Variants in ALG8 observed in about 807,000 individuals in gnomAD.
The protein encoded by ALG8 is dolichyl pyrophosphate Glc1Man9GlcNAc2 alpha-1,3-glucosyltransferase.
In ALG8, 48 loss-of-function variants were observed where a neutral mutation model predicts 70.2. That is an observed-to-expected ratio of 0.68 (90% CI 0.54 to 0.87). The LOEUF is 0.87. Among genes scored for constraint, ALG8 ranks in the 40% least tolerant of loss-of-function variants. ALG8 has a pLI of 0.00. For synonymous variants in ALG8, 234 were observed against 229.0 expected, an observed-to-expected ratio of 1.02 and a Z score of -0.20; for missense variants, 572 against 608.7, an observed-to-expected ratio of 0.94 and a Z score of 0.64.
At chr11:78,113,628 G>A (rs1346372034) in intron 7 of ALG8, among the ~76,000 whole-genome samples, 5 of 151,040 alleles carry the variant, frequency 3.3e-5, no homozygotes, top group Non-Finnish European at 4.4e-5. Context: ...CAGGAGAATC[G>A]CTTGAATCCA....
intron 10 of ALG8, among the ~76,000 whole-genome samples, chr11:78,105,837 T>C (rs926661546): frequency 2.6e-5 from 4 of 151,950 alleles, no homozygotes; most frequent in African/African-American, 7.2e-5. Context: ...GCCTCCCAAG[T>C]AGCTGGGATT....
intron 10 of ALG8, among the ~76,000 whole-genome samples, chr11:78,105,971 GTAC>G (rs1860011190): frequency 6.6e-6 from 1 of 152,052 alleles, no homozygotes; most frequent in Non-Finnish European, 1.5e-5. Context: ...GCCTCCGAAA[GTAC>G]TGGGATTGCA....
chr11:78,138,740 C>G (rs773283517), intron 1 of ALG8: 5 of 456,222 alleles, frequency 1.1e-5, no homozygotes, highest in East Asian at 1.4e-4. Flanking sequence ...ATGGTTGCTT[C>G]TTGGTTTCCA....
At chr11:78,113,858 A>G in intron 7 of ALG8, 28 bp downstream of exon 7, 1 of 1,393,962 alleles carries the variant, frequency 7.2e-7, no homozygotes, top group Non-Finnish European at 9.8e-7. Flanking sequence ...ACATGTATTA[A>G]TTGAAAAAAA....
Position 78,113,886 on chromosome 11 carries a change from C to G in ALG8, c.777G>C (p.Leu259Phe). Residue 259 changes from leucine (L) to phenylalanine (F), a missense_variant and splice_region_variant, in exon 7 of 13, where the codon TTG becomes TTC. By Grantham distance (22) the Leu-to-Phe change is conservative (BLOSUM62 0). Transcript: ENST00000299626. ...GAAAAAAAAAAAAAAAAAGGCTTAC[C>G]AAGGCCAGGAAAGGACCCAATGAAA... ...SALSLGPFLA[L>F]NQLPQVFSRL... 6.7e-7 allele frequency: 1 copy of G among 1,502,666 alleles called. No homozygotes were observed. The highest frequency in any genetic ancestry group is 1.6e-5 in the African/African-American group (1 of 62,790). 93.1% of individuals were successfully genotyped at this position (1,502,666 alleles called of 1,614,324 possible).
At chr11:78,102,351 A>G (rs927807869) in intron 12 of ALG8, among the ~76,000 whole-genome samples, 11 of 152,166 alleles carry the variant, frequency 7.2e-5, no homozygotes, top group Non-Finnish European at 1.3e-4. Flanking sequence ...TTCACTTAGC[A>G]TGTTTTCAAG....
intron 3 of ALG8, among the ~76,000 whole-genome samples, chr11:78,123,315 G>GAAAAAAAAAAAAAAAAAAA (rs1220218900): frequency 2.5e-4 from 22 of 88,494 alleles, no homozygotes; most frequent in South Asian, 1.5e-3. Context: ...GGAAAAAAAA[G>GAAAAAAAAAAAAAAAAAAA]AAAAAAAAAA....
rs11600617 is a variant in ALG8 at position 78,119,429 on chromosome 11, T to G, written c.479-180A>C. Among the ~76,000 whole-genome samples, 4 of 85,300 alleles carry G rather than the reference T, an allele frequency of 4.7e-5. No homozygotes were observed. In the East Asian group the frequency reaches 1.6e-3, roughly 35 times the overall value. 56.0% of individuals were successfully genotyped at this position (85,300 alleles called of 152,430 possible). On this transcript the variant is annotated intron_variant, in intron 4 of 12. Transcript: ENST00000299626. The stretch of plus-strand genomic sequence containing the variant: ...AAACAGATTCAAATTTTTTTTTTAA[T>G]TTTTTTTTTTTTTTTTTGAGATGGA...
At chr11:78,121,502 T>C (rs528240233) in intron 3 of ALG8, among the ~76,000 whole-genome samples, 1 of 1,108 alleles carries the variant, frequency 9.0e-4, no homozygotes, top group East Asian at 0.045. Flanking sequence ...AGAGGACCAC[T>C]TGAGCTTGGG....
intron 5 of ALG8, 38 bp downstream of exon 5, chr11:78,119,144 C>G (rs1256254420): frequency 5.9e-6 from 9 of 1,519,118 alleles, no homozygotes; most frequent in Non-Finnish European, 8.2e-6. Context: ...AAAAACTAAT[C>G]TAAAAGGGAA....
At chr11:78,111,034 T>G (rs1203193128) in intron 8 of ALG8, among the ~76,000 whole-genome samples, 2 of 152,216 alleles carry the variant, frequency 1.3e-5, no homozygotes, top group Admixed American at 6.5e-5. Flanking sequence ...TAGGAATTAC[T>G]CTGTAAGAAT....
intron 4 of ALG8, 64 bp downstream of exon 4, chr11:78,121,001 A>G: frequency 7.2e-7 from 1 of 1,398,284 alleles, no homozygotes; most frequent in East Asian, 2.3e-5. Flanking sequence ...TATAGAAAAC[A>G]TTAATCTTGT....
chr11:78,112,619 G>C (rs1860343470), intron 8 of ALG8, 31 bp downstream of exon 8: 1 of 1,611,870 alleles, frequency 6.2e-7, no homozygotes, highest in South Asian at 1.1e-5. Context: ...TCAATATTCA[G>C]AGTCTGAGTA....
chr11:78,126,447 G>A (rs935525818), intron 2 of ALG8, among the ~76,000 whole-genome samples: 24 of 149,966 alleles, frequency 1.6e-4, no homozygotes, highest in Admixed American at 4.7e-4. Flanking sequence ...CAGGAGAATC[G>A]CTTGAACCCG....
chr11:78,121,986 G>T (rs1237097543), intron 3 of ALG8, among the ~76,000 whole-genome samples: 1 of 152,202 alleles, frequency 6.6e-6, no homozygotes, highest in Non-Finnish European at 1.5e-5. Flanking sequence ...AAAAGAGACT[G>T]AACTAACATA....
Position 78,106,323 on chromosome 11 carries a change from G to A in ALG8, c.1178+484C>T, listed in dbSNP as rs73501223. Among the ~76,000 whole-genome samples, 1,502 of 151,942 alleles carry A rather than the reference G, an allele frequency of 9.9e-3. 16 individuals are homozygous for A. Among genetic ancestry groups the A allele is most frequent in the African/African-American group, 0.035 (1,436 of 41,450 alleles). ...AGCAATTCTCCTGCCTCAGCCTCCC[G>A]AGTAGCTGGGACTACAGGCATGTGC... On this transcript the variant is annotated intron_variant, in intron 10 of 12. Coordinates refer to ENST00000299626, the MANE Select transcript of ALG8 (RefSeq NM_024079.5).
At chr11:78,128,759 C>T (rs376317938) in intron 1 of ALG8, among the ~76,000 whole-genome samples, 3 of 151,908 alleles carry the variant, frequency 2.0e-5, no homozygotes, top group African/African-American at 4.8e-5. Context: ...TACAGGTGCG[C>T]GGCACCACGC....
At chr11:78,113,786 A>T in intron 7 of ALG8, 100 bp downstream of exon 7, 2 of 986,914 alleles carry the variant, frequency 2.0e-6, no homozygotes, top group African/African-American at 1.7e-5. Context: ...GTAAGAAAAA[A>T]GTAGCTTTTA....
chr11:78,104,114 A>C (rs892018292), intron 11 of ALG8, 62 bp from the exon 12 acceptor site: 2 of 1,094,934 alleles, frequency 1.8e-6, no homozygotes, highest in African/African-American at 3.1e-5. Context: ...TATGATGCTG[A>C]AAGTAATATA....
Sources: gnomAD v4.1 joint callset for allele counts (sites outside exome capture counted in the v4.1 genomes callset) on GRCh38, gnomAD v4.1.1 for gene constraint, MANE v1.5 for transcripts, NCBI Gene and HGNC (gene_info 2026-07-23, HGNC 2026-07-21) for gene names.